NAALADL2: variants seen among roughly 807,000 people sequenced by gnomAD.
The protein encoded by NAALADL2 is inactive N-acetylated-alpha-linked acidic dipeptidase-like protein 2.
NAALADL2 carries 76 observed loss-of-function variants against 87.2 expected under a neutral mutation model. That is an observed-to-expected ratio of 0.87 (90% CI 0.72 to 1.05). The LOEUF (loss-of-function observed/expected upper bound fraction) is 1.05, where lower values mean the gene tolerates loss of function less well. Ranked by LOEUF, NAALADL2 falls within the 50% of genes least tolerant of loss-of-function variation. NAALADL2 has a pLI of 0.00. For synonymous variants in NAALADL2, 354 were observed against 331.0 expected, an observed-to-expected ratio of 1.07 and a Z score of -0.75; for missense variants, 1,089 against 945.8, an observed-to-expected ratio of 1.15 and a Z score of -1.99.
chr3:174,960,337 T>C (rs1482875129), intron 1 of NAALADL2, among the ~76,000 whole-genome samples: 1 of 152,114 alleles, frequency 6.6e-6, no homozygotes, highest in African/African-American at 2.4e-5. Flanking sequence ...TCTGTCCTTT[T>C]TCTGGAAACA....
intron 2 of NAALADL2, among the ~76,000 whole-genome samples, chr3:175,206,850 C>G (rs1215025086): frequency 6.6e-6 from 1 of 152,050 alleles, no homozygotes; most frequent in Non-Finnish European, 1.5e-5. Context: ...AATGGAGTGA[C>G]CTAGCTCAGT....
intron 2 of NAALADL2, among the ~76,000 whole-genome samples, chr3:175,226,041 T>A (rs956072184): frequency 7.2e-5 from 11 of 152,154 alleles, no homozygotes; most frequent in African/African-American, 2.7e-4. Flanking sequence ...TAAATTGATA[T>A]AAATACCAAA....
chr3:175,056,640 C>T (rs1195288591), intron 1 of NAALADL2, among the ~76,000 whole-genome samples: 1 of 152,136 alleles, frequency 6.6e-6, no homozygotes, highest in Non-Finnish European at 1.5e-5. Flanking sequence ...GAGCTTCCAA[C>T]AGAGATTTAC....
chr3:174,581,724 C>T (rs778671264), intron 2 of NAALADL2, among the ~76,000 whole-genome samples: 2 of 152,138 alleles, frequency 1.3e-5, no homozygotes, highest in Non-Finnish European at 2.9e-5. Flanking sequence ...CTTCCTGATC[C>T]TCCTGGTTAG....
intron 11 of NAALADL2, among the ~76,000 whole-genome samples, chr3:175,729,778 T>G (rs5854654): frequency 3.5e-4 from 53 of 150,892 alleles, no homozygotes; most frequent in African/African-American, 1.1e-3. Context: ...GTTTTTTTTT[T>G]TTTTTTCACA....
intron 1 of NAALADL2, among the ~76,000 whole-genome samples, chr3:175,040,198 G>A (rs1753903004): frequency 1.3e-5 from 2 of 152,130 alleles, no homozygotes; most frequent in Admixed American, 6.5e-5. Context: ...TTCTTCCAGT[G>A]TACAACTTTT....
At chr3:174,853,160 T>C (rs1459988666) in intron 3 of NAALADL2, among the ~76,000 whole-genome samples, 1 of 122,514 alleles carries the variant, frequency 8.2e-6, no homozygotes. Flanking sequence ...GGTCAGGAAA[T>C]CGAGACCATC....
At chr3:174,530,086 T>C (rs1351601670) in intron 1 of NAALADL2, among the ~76,000 whole-genome samples, 1 of 152,204 alleles carries the variant, frequency 6.6e-6, no homozygotes. Flanking sequence ...CATACTTTTA[T>C]GGTTTGTTTC....
chr3:174,547,398 G>A (rs1711523941), intron 1 of NAALADL2, among the ~76,000 whole-genome samples: 1 of 152,006 alleles, frequency 6.6e-6, no homozygotes, highest in African/African-American at 2.4e-5. Context: ...TCTAGGATGT[G>A]GATTATAGTG....
intron 2 of NAALADL2, among the ~76,000 whole-genome samples, chr3:174,728,789 G>T (rs140382831): frequency 6.6e-6 from 1 of 151,940 alleles, no homozygotes; most frequent in African/African-American, 2.4e-5. Context: ...TAAGTTATTC[G>T]ACTGAGAAGC....
At chr3:175,436,256 G>C (rs1051033507) in intron 5 of NAALADL2, among the ~76,000 whole-genome samples, 3 of 144,720 alleles carry the variant, frequency 2.1e-5, no homozygotes, top group Admixed American at 7.1e-5. Flanking sequence ...ATCATTGTTG[G>C]ACATTTGGGT....
chr3:175,045,792 A>G (rs1754592318), intron 1 of NAALADL2, among the ~76,000 whole-genome samples: 1 of 152,118 alleles, frequency 6.6e-6, no homozygotes, highest in South Asian at 2.1e-4. Context: ...CCTTCCTTCT[A>G]CTCCAGAGAT....
At chr3:175,591,786 A>ATG (rs1560814705) in intron 10 of NAALADL2, among the ~76,000 whole-genome samples, 2 of 7,012 alleles carry the variant, frequency 2.9e-4, no homozygotes, top group South Asian at 0.021. Context: ...GTGTGTGTGT[A>ATG]TATATATATA....
chr3:175,593,889 C>T (rs1458117926), intron 10 of NAALADL2, among the ~76,000 whole-genome samples: 4 of 152,122 alleles, frequency 2.6e-5, no homozygotes, highest in Admixed American at 2.6e-4. Context: ...ACCAATTCAA[C>T]CTGTGACAAA....
intron 2 of NAALADL2, among the ~76,000 whole-genome samples, chr3:174,650,530 A>G (rs545890434): frequency 2.0e-5 from 3 of 152,296 alleles, no homozygotes; most frequent in African/African-American, 7.2e-5. Context: ...TTCAGAACAC[A>G]TTAGTGAAAA....
In NAALADL2 at chr3:175,300,707, A is replaced by C. The variant is rs183771453; in HGVS notation, c.940-23468A>C. ...TTCTTTATAGTCTGGCTAGCAGTCT[A>C]TTTTGTTAATATTTTCAAAAAACCA... On this transcript the variant is annotated intron_variant, in intron 4 of 13. Coordinates refer to ENST00000454872, the MANE Select transcript of NAALADL2 (RefSeq NM_207015.3). 3.1e-4 allele frequency among the ~76,000 whole-genome samples: 47 copies of C among 150,902 alleles called. No homozygotes were observed. The East Asian group carries it at 8.1e-3, about 26-fold the overall frequency.
Position 174,966,444 on chromosome 3 carries a change from G to A in NAALADL2, c.43+106994G>A, listed in dbSNP as rs1037738044. ...AGAGACCAGCAAGGAGGTTGTGTCTGTGGCAAAATGTGTTAGTGGTCCCAA... is the reference window on the plus strand; with the variant it reads ...AGAGACCAGCAAGGAGGTTGTGTCTATGGCAAAATGTGTTAGTGGTCCCAA... On this transcript the variant is annotated intron_variant, in intron 1 of 13. Transcript: ENST00000454872. Among the ~76,000 whole-genome samples, 2 of 152,306 alleles carry A rather than the reference G, an allele frequency of 1.3e-5. 1 individual carries two copies. Among genetic ancestry groups the A allele is most frequent in the South Asian group, 4.1e-4 (2 of 4,826 alleles).
rs548300066 is a variant in NAALADL2, at chr3:175,300,755, TTTTATTTA to T, written c.940-23392_940-23385del. Among the ~76,000 whole-genome samples, 226 of 146,372 alleles carry T rather than the reference TTTTATTTA, an allele frequency of 1.5e-3. 1 individual carries two copies. Among genetic ancestry groups the T allele is most frequent in the East Asian group, 3.7e-3 (19 of 5,084 alleles). On this transcript the variant is annotated intron_variant, in intron 4 of 13. Coordinates refer to ENST00000454872, the MANE Select transcript of NAALADL2 (RefSeq NM_207015.3). ...CCATCTCCTGGATTTATTTATTTAT[TTTTATTTA>T]TTTATTTATTTATTTATTTATTTAT...
At chr3:175,504,030 C>A (rs1729922624) in intron 9 of NAALADL2, among the ~76,000 whole-genome samples, 1 of 152,088 alleles carries the variant, frequency 6.6e-6, no homozygotes, top group Non-Finnish European at 1.5e-5. Context: ...ATGATATTTC[C>A]TAGATGATCT....
Sources: allele counts gnomAD v4.1 joint callset (sites outside exome capture counted in the v4.1 genomes callset), GRCh38; gene constraint gnomAD v4.1.1; transcripts MANE v1.5; gene names NCBI Gene and HGNC (gene_info 2026-07-23, HGNC 2026-07-21).